Variants in HTR2C observed in about 807,000 individuals in gnomAD.
HTR2C encodes 5-hydroxytryptamine receptor 2C.
A neutral mutation model predicts 21.0 loss-of-function variants in HTR2C; 5 were observed. That is an observed-to-expected ratio of 0.24 (90% confidence interval 0.12 to 0.50). The LOEUF (loss-of-function observed/expected upper bound fraction) is 0.50, where lower values mean the gene tolerates loss of function less well. Ranked by LOEUF, HTR2C falls within the 20% of genes least tolerant of loss-of-function variation. HTR2C has a pLI of 0.98. For synonymous variants in HTR2C, 150 were observed against 145.3 expected, an observed-to-expected ratio of 1.03 and a Z score of -0.23; for missense variants, 271 against 371.2, an observed-to-expected ratio of 0.73 and a Z score of 2.22.
chrX:114,763,920 A>G (rs1386440621), intron 4 of HTR2C, among the ~76,000 whole-genome samples: 1 of 111,633 alleles, frequency 9.0e-6, no homozygotes, highest in Non-Finnish European at 1.9e-5. Flanking sequence ...TATCCTAGAG[A>G]AAAAAATTTC....
intron 4 of HTR2C, chrX:114,776,005 A>G: frequency 2.4e-6 from 1 of 409,708 alleles, no homozygotes; most frequent in Non-Finnish European, 4.3e-6. Flanking sequence ...GGCGTCTTAT[A>G]GCTCTCTTCT....
Position 114,617,060 on chromosome X carries a change from T to G in HTR2C, c.-80+3179T>G, listed in dbSNP as rs150632590. On this transcript the variant is annotated intron_variant, in intron 2 of 5. Transcript: ENST00000276198. ...ATAAATGCAAGTTCAATTAACAGAA[T>G]CTGTTTTCAATATGAGTTCTCTGAT... Among the ~76,000 whole-genome samples, 7 of 112,523 alleles carry G rather than the reference T, an allele frequency of 6.2e-5. No homozygotes were observed. In the East Asian group the frequency reaches 1.7e-3, roughly 27 times the overall value.
chrX:114,808,321 A>G (rs1322895930), intron 4 of HTR2C, among the ~76,000 whole-genome samples: 1 of 111,673 alleles, frequency 9.0e-6, no homozygotes, highest in African/African-American at 3.3e-5. Flanking sequence ...TTATGGCTGA[A>G]TATACTCCAT....
chrX:114,762,707 A>T (rs1006246635), intron 4 of HTR2C, among the ~76,000 whole-genome samples: 1 of 111,834 alleles, frequency 8.9e-6, no homozygotes, highest in African/African-American at 3.3e-5. Context: ...ATTTGAATAC[A>T]TTTTAAGAGT....
rs782523544 is a variant in HTR2C, at chrX:114,807,308, A to G, written c.350-40695A>G. On this transcript the variant is annotated intron_variant, in intron 4 of 5. Transcript: ENST00000276198. ...CACCATATATATACCATGTATATACACCATATATCTATACCATATATATAC... is the reference window on the plus strand; with the variant it reads ...CACCATATATATACCATGTATATACGCCATATATCTATACCATATATATAC... 4.5e-4 allele frequency among the ~76,000 whole-genome samples: 36 copies of G among 80,164 alleles called. 5 individuals carry two copies. The highest frequency in any genetic ancestry group is 1.2e-3 in the African/African-American group (25 of 20,062). 69.6% of individuals were successfully genotyped at this position (80,164 alleles called of 115,157 possible). A position where few individuals can be genotyped will look rare whatever the true frequency, so the allele number is the denominator to read the frequency against.
intron 2 of HTR2C, among the ~76,000 whole-genome samples, chrX:114,631,104 G>A (rs1411893188): frequency 1.8e-5 from 2 of 111,334 alleles, no homozygotes; most frequent in Non-Finnish European, 1.9e-5. Flanking sequence ...AAGAGATCAA[G>A]GCCATGCTGG....
At chrX:114,613,286 G>A (rs1928821243) in intron 1 of HTR2C, among the ~76,000 whole-genome samples, 1 of 111,478 alleles carries the variant, frequency 9.0e-6, no homozygotes. Flanking sequence ...GTAAAACAAG[G>A]GGTGGATTAT....
At chrX:114,677,495 T>G (rs1337629045) in intron 2 of HTR2C, among the ~76,000 whole-genome samples, 5 of 110,932 alleles carry the variant, frequency 4.5e-5, no homozygotes, top group Non-Finnish European at 9.4e-5. Flanking sequence ...CCCTATAAAA[T>G]GATGAAGCAC....
rs1556468179 is a variant in HTR2C, at chrX:114,848,140, A to T, written c.487A>T (p.Ser163Cys). Residue 163 changes from serine (S) to cysteine (C), a missense_variant, in exon 5 of 6, where the codon AGC (serine) becomes TGC (cysteine). Physicochemically the swap from Ser to Cys is moderately radical, Grantham distance 112. Transcript: ENST00000276198. ...YVAIRNPIEH[S>C]RFNSRTKAIM... ...AGCAATACGTAATCCTATTGAGCAT[A>T]GCCGTTTCAATTCGCGGACTAAGGC... 1 of 1,211,441 alleles carries T rather than the reference A, an allele frequency of 8.3e-7. No individual in the cohort carries two copies.
chrX:114,866,603 A>T (rs868952869), intron 5 of HTR2C, among the ~76,000 whole-genome samples: 4 of 104,432 alleles, frequency 3.8e-5, no homozygotes, highest in Non-Finnish European at 7.8e-5. Context: ...CATTCTTTCT[A>T]TTTTTTTTTG....
rs144347365 is a variant in HTR2C at position 114,781,850 on chromosome X, C to T, written c.349+50243C>T. On this transcript the variant is annotated intron_variant, in intron 4 of 5. Coordinates refer to ENST00000276198, the MANE Select transcript of HTR2C (RefSeq NM_000868.4). ...AAAAGTAACATACAGTGAGAAGTAA[C>T]CAAATGTCTAATTGGGATTGAATAG... 1.6e-3 allele frequency among the ~76,000 whole-genome samples: 166 copies of T among 105,131 alleles called. No individual in the cohort carries two copies. The East Asian group carries it at 0.035, about 22-fold the overall frequency. 91.3% of individuals were successfully genotyped at this position (105,131 alleles called of 115,157 possible).
chrX:114,658,713 A>ATAAC (rs1342245933), intron 2 of HTR2C, among the ~76,000 whole-genome samples: 2 of 111,356 alleles, frequency 1.8e-5, no homozygotes, highest in Non-Finnish European at 3.8e-5. Context: ...GAGAGGAGGG[A>ATAAC]TAACTCTGCC....
In HTR2C at chrX:114,762,311, T is replaced by C. The variant is rs1179972371; in HGVS notation, c.349+30704T>C. On this transcript the variant is annotated intron_variant, in intron 4 of 5. Transcript: ENST00000276198. ...TCTAGAAAGTGTAGATCCATCATAT[T>C]TTCCACTGTCATCCCTGGGGATTTT... Among the ~76,000 whole-genome samples, 3 of 98,631 alleles carry C rather than the reference T, an allele frequency of 3.0e-5. No individual in the cohort carries two copies. In the East Asian group the frequency reaches 9.7e-4, roughly 32 times the overall value. 85.6% of individuals were successfully genotyped at this position (98,631 alleles called of 115,157 possible). A position where few individuals can be genotyped will look rare whatever the true frequency, so the allele number is the denominator to read the frequency against.
chrX:114,679,687 A>C (rs1556413290), intron 2 of HTR2C, among the ~76,000 whole-genome samples: 1 of 111,303 alleles, frequency 9.0e-6, no homozygotes, highest in Non-Finnish European at 1.9e-5. Context: ...CATACTCACA[A>C]CTCTATTACT....
At chrX:114,704,006 C>T (rs1224983636) in intron 2 of HTR2C, among the ~76,000 whole-genome samples, 7 of 109,856 alleles carry the variant, frequency 6.4e-5, no homozygotes, top group African/African-American at 2.0e-4. Flanking sequence ...AAGAATAAAC[C>T]AGGAAGAAAT....
At chrX:114,797,855 A>G (rs2070308639) in intron 4 of HTR2C, among the ~76,000 whole-genome samples, 1 of 111,943 alleles carries the variant, frequency 8.9e-6, no homozygotes, top group African/African-American at 3.2e-5. Flanking sequence ...ACGATCAGCA[A>G]TTAGGGAACA....
intron 2 of HTR2C, among the ~76,000 whole-genome samples, chrX:114,713,058 A>T (rs1297927977): frequency 2.7e-5 from 3 of 111,624 alleles, no homozygotes; most frequent in Non-Finnish European, 3.8e-5. Context: ...ATGCTATGTA[A>T]TCTAAAAGCA....
chrX:114,857,775 G>C (rs2070974860), intron 5 of HTR2C, among the ~76,000 whole-genome samples: 1 of 110,771 alleles, frequency 9.0e-6, no homozygotes, highest in Non-Finnish European at 1.9e-5. Flanking sequence ...GAGTTCAAGA[G>C]GATATTCAAG....
chrX:114,804,296 C>T (rs1556448005), intron 4 of HTR2C, among the ~76,000 whole-genome samples: 1 of 111,671 alleles, frequency 9.0e-6, no homozygotes, highest in Non-Finnish European at 1.9e-5. Context: ...GCCGAACTAA[C>T]AGCTAAATGT....
Sources: gnomAD v4.1 joint callset for allele counts (sites outside exome capture counted in the v4.1 genomes callset) on GRCh38, gnomAD v4.1.1 for gene constraint, MANE v1.5 for transcripts, NCBI Gene and HGNC (gene_info 2026-07-23, HGNC 2026-07-21) for gene names.